The following NBPF9 variants were observed in gnomAD, a reference collection of about 807,000 sequenced individuals.
The protein encoded by NBPF9 is NBPF member 9.
Under a neutral mutation model 97.8 loss-of-function variants are expected in NBPF9, and 91 were observed. The ratio of observed to expected loss-of-function variants is 0.93; its 90% CI spans 0.79 to 1.11. NBPF9 has a LOEUF of 1.11. NBPF9 is among the 50% of genes least tolerant of loss of function. The pLI, the probability that NBPF9 is intolerant of heterozygous loss-of-function variation, is 0.00. For missense variants in NBPF9, 992 were observed against 939.5 expected, an observed-to-expected ratio of 1.06 and a Z score of -0.73; for synonymous variants, 334 against 359.5, an observed-to-expected ratio of 0.93 and a Z score of 0.80.
intron 23 of NBPF9, chr1:149,060,924 C>CAG: frequency 2.9e-6 from 1 of 345,942 alleles, no homozygotes; most frequent in Non-Finnish European, 4.9e-6. Context: ...CACACACACA[C>CAG]AAACACACAC....
intron 27 of NBPF9, among the ~76,000 whole-genome samples, chr1:149,057,815 G>A (rs2078322896): frequency 1.0e-5 from 1 of 97,266 alleles, no homozygotes; most frequent in Non-Finnish European, 2.2e-5. Flanking sequence ...ACTGATGAGG[G>A]AGTAACAGGA....
At chr1:149,068,978 C>T (rs1355778780) in intron 17 of NBPF9, among the ~76,000 whole-genome samples, 1 of 152,116 alleles carries the variant, frequency 6.6e-6, no homozygotes, top group Admixed American at 6.6e-5. Flanking sequence ...TCACTCAAAA[C>T]CGCACAACTA....
exon 30 of NBPF9, chr1:149,055,871 C>G: frequency 6.2e-7 from 1 of 1,610,602 alleles, no homozygotes; most frequent in South Asian, 1.1e-5. Context: ...ACTTCAGGCT[C>G]TTCCACTTCC....
chr1:149,055,749 G>C (rs2078170601), exon 30 of NBPF9: 1 of 1,611,698 alleles, frequency 6.2e-7, no homozygotes, highest in African/African-American at 1.3e-5. Context: ...GGGCGAAGCT[G>C]ATGTGCTGTT....
intron 5 of NBPF9, chr1:149,090,537 A>T: frequency 2.1e-6 from 1 of 467,256 alleles, no homozygotes; most frequent in Non-Finnish European, 3.8e-6. Context: ...AGATGCATTA[A>T]ATTTAAGCCT....
Position 149,065,664 on chromosome 1 carries a change from C to A in NBPF9, c.1663G>T (p.Glu555Ter). 1 of 1,603,656 alleles carries A rather than the reference C, an allele frequency of 6.2e-7. No homozygotes were observed. The highest frequency in any genetic ancestry group is 8.5e-7 in the Non-Finnish European group (1 of 1,178,368). ...TCATCCCAGGACTCCTGGGGGACTT[C>A]CTCCTCTTCAGACTCCTGCAGATTC... Residue 555 changes from glutamate (E) to a stop codon, truncating the protein, a stop_gained, in exon 18 of 30, where the codon GAA becomes TAA. Coordinates refer to ENST00000584027, the Ensembl canonical transcript of NBPF9. LOFTEE classifies it high-confidence loss of function.
Position 149,059,444 on chromosome 1 carries a change from A to C in NBPF9, c.2585+256T>G, listed in dbSNP as rs1341089836. ...AGTGAGCTCAATAGTTTTCCATAAA[A>C]TATGCTCAAAATTCGATGCAGTGGC... On this transcript the variant is annotated intron_variant, in intron 25 of 29. Coordinates refer to ENST00000584027, the Ensembl canonical transcript of NBPF9. 3.3e-5 allele frequency: 13 copies of C among 398,792 alleles called. 2 individuals are homozygous for C. In the Admixed American group the frequency reaches 4.8e-4, roughly 15 times the overall value. 24.7% of individuals were successfully genotyped at this position (398,792 alleles called of 1,614,324 possible).
In NBPF9 at chr1:149,063,612, C is replaced by A. The variant is rs1320945806; in HGVS notation, c.2026+21G>T. ...CAGAAGACTCAGTGGATCCTTATCACCTTCATAGAAAGGTACTCACCATCC... is the reference window on the plus strand; with the variant it reads ...CAGAAGACTCAGTGGATCCTTATCAACTTCATAGAAAGGTACTCACCATCC... On this transcript the variant is annotated intron_variant, in intron 20 of 29. Transcript: ENST00000584027. 1.2e-5 allele frequency: 7 copies of A among 607,534 alleles called. 1 individual carries two copies. Among genetic ancestry groups the A allele is most frequent in the African/African-American group, 6.3e-5 (3 of 47,880 alleles). 37.6% of individuals were successfully genotyped at this position (607,534 alleles called of 1,614,324 possible).
exon 9 of NBPF9, chr1:149,079,160 G>C: frequency 2.3e-6 from 3 of 1,291,820 alleles, no homozygotes; most frequent in Non-Finnish European, 3.4e-6. Context: ...CTCCCTTCCC[G>C]TAACTTCTCC....
At chr1:149,075,300 A>T (rs587679672) in intron 12 of NBPF9, among the ~76,000 whole-genome samples, 1,095 of 152,250 alleles carry the variant, frequency 7.2e-3, no homozygotes, top group Non-Finnish European at 0.011. Context: ...AGTCTCAGAC[A>T]TTTAGAACAA....
chr1:149,079,259 G>T, intron 8 of NBPF9, 38 bp from the exon 9 acceptor site: 1 of 1,071,950 alleles, frequency 9.3e-7, no homozygotes, highest in Non-Finnish European at 1.4e-6. Context: ...AGAGTAGAAA[G>T]GGTTGAGTGA....
At position 149,077,815 on chromosome 1, in the gene NBPF9, G is replaced by A. The variant is rs1385329429; in HGVS notation, c.566+68C>T. 3.1e-5 allele frequency: 49 copies of A among 1,589,764 alleles called. 2 individuals are homozygous for A. Among genetic ancestry groups the A allele is most frequent in the Non-Finnish European group, 4.0e-5 (46 of 1,159,736 alleles). On this transcript the variant is annotated intron_variant, in intron 10 of 29. Coordinates refer to ENST00000584027, the Ensembl canonical transcript of NBPF9. Reference sequence around the variant, plus strand: ...CTTTTGGCCCACCATAGATGCCAGAGAGGGTGTGCCTCCTAGACATCTTCA... The same window carrying A: ...CTTTTGGCCCACCATAGATGCCAGAAAGGGTGTGCCTCCTAGACATCTTCA...
chr1:149,071,463 G>T (rs587714787), intron 15 of NBPF9, 141 bp downstream of exon 15: 6 of 1,146,462 alleles, frequency 5.2e-6, no homozygotes, highest in Non-Finnish European at 6.5e-6. Flanking sequence ...CGCACCCTGT[G>T]TCTAAGCTGG....
chr1:149,071,993 AG>A (rs1408228260), intron 14 of NBPF9, among the ~76,000 whole-genome samples: 1 of 147,470 alleles, frequency 6.8e-6, no homozygotes, highest in Non-Finnish European at 1.5e-5. Context: ...TCTGATTCCC[AG>A]GCACAGGCTT....
At chr1:149,056,148 C>T (rs12030678) in intron 29 of NBPF9, among the ~76,000 whole-genome samples, 8,899 of 151,448 alleles carry the variant, frequency 0.059, 598 homozygotes, top group East Asian at 0.46. Flanking sequence ...AGTGAATTGG[C>T]CAGGTGACAT....
intron 5 of NBPF9, among the ~76,000 whole-genome samples, chr1:149,082,744 A>T (rs1404936543): frequency 7.4e-5 from 11 of 147,970 alleles, no homozygotes; most frequent in Admixed American, 4.7e-4. Flanking sequence ...AGTCATAAAT[A>T]AAAAAATGGA....
At chr1:149,087,736 A>T (rs1350206886) in intron 5 of NBPF9, among the ~76,000 whole-genome samples, 1 of 149,336 alleles carries the variant, frequency 6.7e-6, no homozygotes, top group South Asian at 2.1e-4. Flanking sequence ...GACAAGGTTT[A>T]TCTCCCCACT....
intron 29 of NBPF9, 125 bp downstream of exon 29, chr1:149,056,387 G>A (rs2078246200): frequency 2.3e-5 from 5 of 217,388 alleles, no homozygotes; most frequent in Non-Finnish European, 3.9e-5. Flanking sequence ...AAAACCAACA[G>A]CAATGACAGT....
rs782566317 is a variant in NBPF9 at position 149,081,955 on chromosome 1, T to C, written c.175+10A>G. 24 of 1,551,478 alleles carry C rather than the reference T, an allele frequency of 1.5e-5. 1 individual carries two copies. The East Asian group carries it at 3.8e-4, about 25-fold the overall frequency. ...CATCACTTTCATGACGGTGAGCCTA[T>C]AGATCTTACTGTATTTCTTCTGTCG... On this transcript the variant is annotated intron_variant, in intron 7 of 29. Coordinates refer to ENST00000584027, the Ensembl canonical transcript of NBPF9.
Sources: allele counts gnomAD v4.1 joint callset (sites outside exome capture counted in the v4.1 genomes callset), GRCh38; gene constraint gnomAD v4.1.1; transcripts MANE v1.5; gene names NCBI Gene and HGNC (gene_info 2026-07-23, HGNC 2026-07-21).